FBN1: variants seen among roughly 807,000 people sequenced by gnomAD.
FBN1 encodes the protein fibrillin 1.
Under a neutral mutation model 365.1 loss-of-function variants are expected in FBN1, and 29 were observed. The observed-to-expected ratio is 0.08, with a 90% CI of 0.06 to 0.11. The LOEUF is 0.11. Among genes scored for constraint, FBN1 ranks in the 10% least tolerant of loss-of-function variants. The pLI is 1.00. For missense variants in FBN1, 2,476 were observed against 3,703.2 expected, an observed-to-expected ratio of 0.67 and a Z score of 8.60; for synonymous variants, 1,210 against 1,270.5, an observed-to-expected ratio of 0.95 and a Z score of 1.01.
chr15:48,453,061 A>G (rs2043213159), intron 44 of FBN1, among the ~76,000 whole-genome samples: 1 of 152,190 alleles, frequency 6.6e-6, no homozygotes, highest in Non-Finnish European at 1.5e-5. Flanking sequence ...GTTTGAGACC[A>G]GCCTGACCAA....
At position 48,420,208 on chromosome 15, in the gene FBN1, AAAAC is replaced by A. The variant is rs770076358; in HGVS notation, c.7819+475_7819+478del. On this transcript the variant is annotated intron_variant, in intron 63 of 65. Coordinates refer to ENST00000316623, the MANE Select transcript of FBN1 (RefSeq NM_000138.5). ...GCAATCTTGAAAAACAAAACAAAAC[AAAAC>A]AAAACACACAAAAAAACACAACCTT... 2.1e-4 allele frequency among the ~76,000 whole-genome samples: 13 copies of A among 62,660 alleles called. No individual in the cohort carries two copies. In the East Asian group the frequency reaches 8.4e-3, roughly 41 times the overall value. 41.1% of individuals were successfully genotyped at this position (62,660 alleles called of 152,430 possible). A position where few individuals can be genotyped will look rare whatever the true frequency, so the allele number is the denominator to read the frequency against.
chr15:48,425,573 T>C, intron 59 of FBN1, 82 bp from the exon 60 acceptor site: 1 of 1,596,254 alleles, frequency 6.3e-7, no homozygotes, highest in South Asian at 1.1e-5. Flanking sequence ...TAACGAAGAA[T>C]TTTAGTTTCG....
chr15:48,536,667 T>C (rs985608970), intron 7 of FBN1, among the ~76,000 whole-genome samples: 1 of 152,224 alleles, frequency 6.6e-6, no homozygotes. Context: ...AGCTGTATGT[T>C]GTACATGGGA....
rs376965275 is a variant in FBN1 at position 48,526,176 on chromosome 15, T to C, written c.942A>G (p.Lys314=). The C allele has an allele frequency of 1.2e-4, 196 of 1,614,124 alleles. No homozygotes were observed. The highest frequency in any genetic ancestry group is 1.5e-4 in the Non-Finnish European group (179 of 1,179,986). ...GAGAGGTGTAAAAACCAGGGGGACA[T>C]TTGCAAAAGTAACTGCTGACTGTGT... The part of the protein sequence containing the change: ...CTNTVSSYFC[K]CPPGFYTSPD... The change falls in exon 9 of 66, where the codon AAA becomes AAG. Residue 314 remains lysine, a synonymous_variant. Coordinates refer to ENST00000316623, the MANE Select transcript of FBN1 (RefSeq NM_000138.5).
At chr15:48,481,555 T>C (rs2043465038) in intron 32 of FBN1, 100 bp downstream of exon 32, 9 of 1,220,722 alleles carry the variant, frequency 7.4e-6, no homozygotes, top group South Asian at 4.3e-5. Flanking sequence ...TTTTATAATA[T>C]AGTTAAAATG....
rs115827223 is a variant in FBN1 at position 48,626,927 on chromosome 15, C to T, written c.165-13835G>A. The stretch of plus-strand genomic sequence containing the variant: ...TATAAAATTTACTCTTCCCCCAAAC[C>T]CTATCAAGAAAATGTATTGGTGTGC... On this transcript the variant is annotated intron_variant, in intron 2 of 65. Transcript: ENST00000316623. 4.9e-3 allele frequency among the ~76,000 whole-genome samples: 746 copies of T among 152,116 alleles called. 8 individuals carry two copies. Among genetic ancestry groups the T allele is most frequent in the African/African-American group, 0.017 (713 of 41,510 alleles).
chr15:48,471,416 T>C (rs562432960), intron 35 of FBN1, among the ~76,000 whole-genome samples: 1 of 152,232 alleles, frequency 6.6e-6, no homozygotes, highest in South Asian at 2.1e-4. Context: ...CTTATAGCAA[T>C]AAGAGAAGCA....
intron 10 of FBN1, 62 bp downstream of exon 10, chr15:48,520,596 AT>A: frequency 6.3e-7 from 1 of 1,594,658 alleles, no homozygotes; most frequent in Non-Finnish European, 8.6e-7. Flanking sequence ...CATCATGCAC[AT>A]TGCCACTGGG....
At chr15:48,624,157 G>A (rs1406414067) in intron 2 of FBN1, among the ~76,000 whole-genome samples, 1 of 152,096 alleles carries the variant, frequency 6.6e-6, no homozygotes, top group Non-Finnish European at 1.5e-5. Flanking sequence ...AAAAGCCATG[G>A]GATGCACTCT....
At chr15:48,529,971 G>A (rs1208366135) in intron 8 of FBN1, among the ~76,000 whole-genome samples, 1 of 504 alleles carries the variant, frequency 2.0e-3, no homozygotes, top group Non-Finnish European at 5.5e-3. Flanking sequence ...TCCGCCGCCC[G>A]ATCACAACTT....
chr15:48,628,300 GAAA>G (rs61447805), intron 2 of FBN1, among the ~76,000 whole-genome samples: 13 of 117,536 alleles, frequency 1.1e-4, no homozygotes, highest in Non-Finnish European at 9.3e-5. Context: ...ATTTCTTGAA[GAAA>G]AAAAAAAAAA....
chr15:48,457,880 T>A (rs2043252718), intron 43 of FBN1, among the ~76,000 whole-genome samples: 1 of 151,772 alleles, frequency 6.6e-6, no homozygotes, highest in Non-Finnish European at 1.5e-5. Flanking sequence ...AAAGGCAGAG[T>A]CAGGATTTGA....
At chr15:48,505,975 C>A (rs2043704632) in intron 15 of FBN1, among the ~76,000 whole-genome samples, 1 of 152,184 alleles carries the variant, frequency 6.6e-6, no homozygotes, top group Non-Finnish European at 1.5e-5. Context: ...GTGATCCCAG[C>A]ACTTTGGGAG....
intron 6 of FBN1, among the ~76,000 whole-genome samples, chr15:48,546,251 A>G (rs369008405): frequency 9.2e-5 from 14 of 152,374 alleles, no homozygotes; most frequent in African/African-American, 3.4e-4. Context: ...AAATAGATCA[A>G]CACATTAAAA....
chr15:48,454,170 T>C (rs1463391187), intron 44 of FBN1, among the ~76,000 whole-genome samples: 1 of 152,228 alleles, frequency 6.6e-6, no homozygotes, highest in Non-Finnish European at 1.5e-5. Flanking sequence ...TGACTTGGCA[T>C]GTCTGGAAAA....
chr15:48,569,588 A>G (rs1412012595), intron 6 of FBN1, among the ~76,000 whole-genome samples: 1 of 152,178 alleles, frequency 6.6e-6, no homozygotes, highest in African/African-American at 2.4e-5. Context: ...CAGCTGGTGA[A>G]TGTATGAACA....
intron 6 of FBN1, among the ~76,000 whole-genome samples, 200 bp from the exon 7 acceptor site, chr15:48,538,008 A>G (rs1458768438): frequency 6.6e-6 from 1 of 152,212 alleles, no homozygotes; most frequent in African/African-American, 2.4e-5. Context: ...CAAAATAGGG[A>G]TGAAAACATC....
intron 6 of FBN1, among the ~76,000 whole-genome samples, chr15:48,593,579 C>A (rs1164872260): frequency 1.3e-5 from 2 of 152,144 alleles, no homozygotes; most frequent in Non-Finnish European, 2.9e-5. Flanking sequence ...GGACTGTTGG[C>A]AAACAGCAAT....
intron 18 of FBN1, among the ~76,000 whole-genome samples, chr15:48,498,176 CTT>C (rs57491754): frequency 0.011 from 1,667 of 149,304 alleles, 37 homozygotes; most frequent in African/African-American, 0.039. Flanking sequence ...TTAGGGTTGA[CTT>C]TTTTTTTTTC....
Sources: allele counts gnomAD v4.1 joint callset (sites outside exome capture counted in the v4.1 genomes callset), GRCh38; gene constraint gnomAD v4.1.1; transcripts MANE v1.5; gene names NCBI Gene and HGNC (gene_info 2026-07-23, HGNC 2026-07-21).